RANBP17: variants seen among roughly 807,000 people sequenced by gnomAD.
RANBP17 encodes the protein RAN binding protein 17, also known as ran-binding protein 17.
RANBP17 carries 158 observed loss-of-function variants against 141.2 expected under a neutral mutation model. The observed-to-expected ratio is 1.12, with a 90% confidence interval of 0.98 to 1.28. The LOEUF (loss-of-function observed/expected upper bound fraction) is 1.28, where lower values mean the gene tolerates loss of function less well. Among genes scored for constraint, RANBP17 ranks in the 50% most tolerant of loss-of-function variants. The pLI is 0.00. For missense variants in RANBP17, 1,438 were observed against 1,290.7 expected, an observed-to-expected ratio of 1.11 and a Z score of -1.75; for synonymous variants, 430 against 450.0, an observed-to-expected ratio of 0.96 and a Z score of 0.56.
intron 24 of RANBP17, among the ~76,000 whole-genome samples, chr5:171,249,517 C>T (rs1765422907): frequency 6.6e-6 from 1 of 151,970 alleles, no homozygotes; most frequent in Non-Finnish European, 1.5e-5. Context: ...ATCTGAAAAA[C>T]AATACAAATA....
chr5:171,278,018 G>C (rs184849539), intron 25 of RANBP17, among the ~76,000 whole-genome samples: 1 of 125,164 alleles, frequency 8.0e-6, no homozygotes, highest in African/African-American at 3.0e-5. Flanking sequence ...ACCCAAGCTG[G>C]CTCAGTTTGA....
Position 170,897,124 on chromosome 5 carries a change from G to T in RANBP17, c.489+1009G>T, listed in dbSNP as rs1034894965. On this transcript the variant is annotated intron_variant, in intron 5 of 27. Transcript: ENST00000523189. ...TAGAAGGGATAGTGAATGAAATTCT[G>T]CAGGGACCACTGAGAGATGTATTTG... 18 of 833,138 alleles carry T rather than the reference G, an allele frequency of 2.2e-5. No homozygotes were observed. The African/African-American group carries it at 2.9e-4, about 13-fold the overall frequency. The allele number at this position is 833,138 out of a possible 1,614,324, so 51.6% of individuals were successfully genotyped here.
chr5:171,017,231 T>C (rs539457532), intron 14 of RANBP17, among the ~76,000 whole-genome samples: 2 of 152,328 alleles, frequency 1.3e-5, no homozygotes, highest in South Asian at 4.1e-4. Flanking sequence ...CATGTGTCTT[T>C]ATAGTAGAAT....
At position 171,196,885 on chromosome 5, in the gene RANBP17, GC is replaced by G. The variant is rs539480530; in HGVS notation, c.2039-2782del. Among the ~76,000 whole-genome samples, 10 of 152,082 alleles carry G rather than the reference GC, an allele frequency of 6.6e-5. No individual in the cohort carries two copies. In the East Asian group the frequency reaches 1.9e-3, roughly 29 times the overall value. On this transcript the variant is annotated intron_variant, in intron 18 of 27. Coordinates refer to ENST00000523189, the MANE Select transcript of RANBP17 (RefSeq NM_022897.5). ...GCCCAGGTTGGTCTCAAACTCCTGG[GC>G]CCAGGGGATCCTCCTACCCCAGCTT...
At chr5:171,252,654 T>C in intron 24 of RANBP17, 1 of 1,395,188 alleles carries the variant, frequency 7.2e-7, no homozygotes, top group Non-Finnish European at 1.0e-6. Context: ...TAGTTTTTCC[T>C]TTAAAACTTA....
intron 14 of RANBP17, among the ~76,000 whole-genome samples, chr5:171,063,791 T>C (rs919248495): frequency 5.9e-5 from 9 of 152,200 alleles, no homozygotes; most frequent in Non-Finnish European, 1.2e-4. Flanking sequence ...GCAGGCAGGC[T>C]TCCTTGAGCT....
intron 24 of RANBP17, among the ~76,000 whole-genome samples, chr5:171,258,349 T>G (rs1766061455): frequency 6.6e-6 from 1 of 152,076 alleles, no homozygotes; most frequent in African/African-American, 2.4e-5. Flanking sequence ...CCTATCAAAA[T>G]ACCATCCTTC....
chr5:171,053,872 T>G, intron 14 of RANBP17, among the ~76,000 whole-genome samples: 1 of 105,270 alleles, frequency 9.5e-6, no homozygotes, highest in South Asian at 3.7e-4. Flanking sequence ...CTGTCAGTGT[T>G]TAGTTCATAT....
chr5:171,159,917 CAAAAAAAAAAAA>C (rs1175963382), intron 14 of RANBP17, among the ~76,000 whole-genome samples: 10 of 41,514 alleles, frequency 2.4e-4, no homozygotes, highest in African/African-American at 7.6e-4. Context: ...GACTCCATCT[CAAAAAAAAAAAA>C]AAAAAAAAAA....
At chr5:171,002,389 T>C (rs1779277506) in intron 14 of RANBP17, among the ~76,000 whole-genome samples, 1 of 152,040 alleles carries the variant, frequency 6.6e-6, no homozygotes, top group Admixed American at 6.6e-5. Flanking sequence ...AGCGTTGCCC[T>C]GAGTGATGGG....
At chr5:170,926,412 G>A (rs887423025) in intron 12 of RANBP17, among the ~76,000 whole-genome samples, 4 of 152,008 alleles carry the variant, frequency 2.6e-5, no homozygotes, top group African/African-American at 9.7e-5. Context: ...AATAAGTTTA[G>A]TATTATTTCA....
At chr5:170,897,159 A>T (rs566265304) in intron 5 of RANBP17, 2 of 814,772 alleles carry the variant, frequency 2.5e-6, no homozygotes, top group East Asian at 6.7e-5. Context: ...GATACCAAAC[A>T]GCTCATCACT....
In RANBP17 at chr5:170,982,706, A is replaced by G. The variant is rs146927559; in HGVS notation, c.1710+14329A>G. 2.6e-5 allele frequency among the ~76,000 whole-genome samples: 4 copies of G among 152,342 alleles called. No individual in the cohort carries two copies. In the East Asian group the frequency reaches 7.7e-4, roughly 29 times the overall value. On this transcript the variant is annotated intron_variant, in intron 14 of 27. Coordinates refer to ENST00000523189, the MANE Select transcript of RANBP17 (RefSeq NM_022897.5). Reference sequence around the variant, plus strand: ...ACTAGAAATTCTCCTGTAGTGAAAGATAACAGGTTCCATACTGAAAAGGAC... The same window carrying G: ...ACTAGAAATTCTCCTGTAGTGAAAGGTAACAGGTTCCATACTGAAAAGGAC...
At chr5:171,095,642 G>GT (rs531688217) in intron 14 of RANBP17, among the ~76,000 whole-genome samples, 44 of 152,244 alleles carry the variant, frequency 2.9e-4, no homozygotes, top group African/African-American at 1.0e-3. Context: ...CTGGGCCTTA[G>GT]TTTTCTTCAG....
chr5:170,973,119 C>A (rs1777109164), intron 14 of RANBP17, among the ~76,000 whole-genome samples: 1 of 151,906 alleles, frequency 6.6e-6, no homozygotes, highest in Non-Finnish European at 1.5e-5. Flanking sequence ...GCCAGGGATG[C>A]AAAAGTGAAT....
intron 14 of RANBP17, among the ~76,000 whole-genome samples, chr5:171,141,608 C>T (rs1174447847): frequency 2.2e-5 from 2 of 90,978 alleles, no homozygotes; most frequent in African/African-American, 9.0e-5. Flanking sequence ...TGAGATGGAG[C>T]GAGACTCCAT....
At chr5:171,021,028 A>G (rs1271019938) in intron 14 of RANBP17, among the ~76,000 whole-genome samples, 1 of 152,158 alleles carries the variant, frequency 6.6e-6, no homozygotes, top group Non-Finnish European at 1.5e-5. Flanking sequence ...TCCTTCACTT[A>G]TGAAGCTTAG....
At chr5:171,016,015 C>T (rs1780399708) in intron 14 of RANBP17, among the ~76,000 whole-genome samples, 1 of 152,044 alleles carries the variant, frequency 6.6e-6, no homozygotes. Context: ...CATTGGAGTT[C>T]TCTCCTCTCC....
At chr5:171,009,999 C>T (rs1779919838) in intron 14 of RANBP17, among the ~76,000 whole-genome samples, 1 of 152,010 alleles carries the variant, frequency 6.6e-6, no homozygotes, top group Non-Finnish European at 1.5e-5. Context: ...GAAATCAGCC[C>T]TCTTTTTGAT....
Sources: allele counts gnomAD v4.1 joint callset (sites outside exome capture counted in the v4.1 genomes callset), GRCh38; gene constraint gnomAD v4.1.1; transcripts MANE v1.5; gene names NCBI Gene and HGNC (gene_info 2026-07-23, HGNC 2026-07-21).